Variants in MOK observed in about 807,000 individuals in gnomAD.
MOK encodes the protein MOK protein kinase, also known as MAPK/MAK/MRK overlapping kinase.
MOK carries 59 observed loss-of-function variants against 54.2 expected under a neutral mutation model. The observed-to-expected ratio is 1.09, with a 90% CI of 0.88 to 1.35. The LOEUF is 1.35. MOK is among the 40% of genes most tolerant of loss of function. MOK has a pLI of 0.00. For missense variants in MOK, 517 were observed against 526.2 expected (o/e 0.98, Z 0.17); for synonymous variants, 210 against 202.7 (o/e 1.04, Z -0.31).
intron 2 of MOK, among the ~76,000 whole-genome samples, chr14:102,281,733 C>T (rs2069463370): frequency 1.3e-5 from 2 of 152,036 alleles, no homozygotes; most frequent in African/African-American, 2.4e-5. Flanking sequence ...GTGTGAGCCA[C>T]AGCACCCAGC....
At chr14:102,265,775 T>C in intron 3 of MOK, 48 bp downstream of exon 3, 4 of 1,464,610 alleles carry the variant, frequency 2.7e-6, no homozygotes, top group Non-Finnish European at 3.8e-6. Context: ...TAAAAAGAGA[T>C]TATTTTCATC....
At position 102,265,925 on chromosome 14, in the gene MOK, TA is replaced by T; in HGVS notation, c.123-14del. On this transcript the variant is annotated splice_polypyrimidine_tract_variant and intron_variant, in intron 2 of 11. Transcript: ENST00000361847. ...GACTTGCTCAATACTATCGTGTAGG[TA>T]AAAATGGATAGCTCATTCACAGTTT... 1.3e-6 allele frequency: 2 copies of T among 1,585,056 alleles called. No homozygotes were observed. The highest frequency in any genetic ancestry group is 1.3e-5 in the African/African-American group (1 of 74,466).
chr14:102,276,988 C>A, intron 2 of MOK, among the ~76,000 whole-genome samples: 1 of 147,502 alleles, frequency 6.8e-6, no homozygotes, highest in Non-Finnish European at 1.5e-5. Flanking sequence ...GCTAGGACTA[C>A]AGGAGTGAGC....
the MOK span, among the ~76,000 whole-genome samples, chr14:102,216,918 G>A: frequency 6.6e-6 from 1 of 152,188 alleles, no homozygotes; most frequent in African/African-American, 2.4e-5. Context: ...GGGCGACAGA[G>A]CGAGACTCTG....
At chr14:102,255,234 T>C (rs893489209) in intron 4 of MOK, among the ~76,000 whole-genome samples, 11 of 152,012 alleles carry the variant, frequency 7.2e-5, no homozygotes, top group African/African-American at 2.7e-4. Flanking sequence ...AGGAGAATGG[T>C]GTGAACCTGG....
chr14:102,231,734 G>C lies in MOK; in HGVS notation c.954C>G (p.Cys318Trp), dbSNP rs775903228. The change falls in exon 10 of 12, where the codon TGC (cysteine) becomes TGG (tryptophan). Residue 318 changes from cysteine (C) to tryptophan (W), a missense_variant. Cys to Trp is a radical substitution (Grantham distance 215). Coordinates refer to ENST00000361847, the MANE Select transcript of MOK (RefSeq NM_014226.3). The surrounding 1 kb of genome is among the most constrained non-coding windows in gnomAD (Gnocchi z 4.4). ...GCTTTCTGCCCTCCTTGGAAATCTG[G>C]CAGCTGTTACTGAGTGGTTCCGGTG... ...PVAPEPLSNS[C>W]QISKEGRKQK... 1 of 1,611,454 alleles carries C rather than the reference G, an allele frequency of 6.2e-7. No homozygotes were observed. Among genetic ancestry groups the C allele is most frequent in the Admixed American group, 1.7e-5 (1 of 59,994 alleles).
At chr14:102,300,611 T>C (rs2072081540) in intron 1 of MOK, among the ~76,000 whole-genome samples, 1 of 152,234 alleles carries the variant, frequency 6.6e-6, no homozygotes, top group South Asian at 2.1e-4. Flanking sequence ...GGGGAAACTT[T>C]TCCAAGTCAG....
chr14:102,292,721 C>T (rs75513524), intron 1 of MOK, among the ~76,000 whole-genome samples: 7,088 of 151,608 alleles, frequency 0.047, 537 homozygotes, highest in African/African-American at 0.16. Flanking sequence ...TCTGTTCTCT[C>T]TTGTGCCATT....
rs10148062 is a variant in MOK at position 102,254,878 on chromosome 14, T to C, written c.284-2883A>G. 6.5e-3 allele frequency among the ~76,000 whole-genome samples: 984 copies of C among 152,338 alleles called. 12 individuals carry two copies. Among genetic ancestry groups the C allele is most frequent in the African/African-American group, 0.023 (940 of 41,570 alleles). ...GCCTGCTTAGTACCTATATTCATGA[T>C]GTTCCATTCCAGGAACGCCCTTCCC... On this transcript the variant is annotated intron_variant, in intron 4 of 11. Coordinates refer to ENST00000361847, the MANE Select transcript of MOK (RefSeq NM_014226.3).
downstream of MOK, among the ~76,000 whole-genome samples, chr14:102,222,307 GC>G (rs2063985872): frequency 6.6e-6 from 1 of 152,210 alleles, no homozygotes; most frequent in African/African-American, 2.4e-5. The surrounding 1 kb of genome is among the most constrained non-coding windows in gnomAD (Gnocchi z 4.4). Context: ...GACAGCTACA[GC>G]CAGGGGGTGC....
At chr14:102,224,964 C>A, downstream of MOK, 1 of 361,870 alleles carries the variant, frequency 2.8e-6, no homozygotes. Flanking sequence ...TAGGTGCTGT[C>A]AGTTATACAG....
chr14:102,233,721 G>A lies in MOK; in HGVS notation c.659C>T (p.Thr220Ile), dbSNP rs748696455. The change falls in exon 8 of 12, where the codon ACA (threonine) becomes ATA (isoleucine). Residue 220 changes from threonine to isoleucine, a missense_variant. Transcript: ENST00000361847. ...QISKIHDVIG[T>I]PAQKILTKFK... is the part of the protein sequence containing the mutation. ...CTTGGTGAGGATCTTCTGAGCGGGT[G>A]TGCCGATGACATCGTGGATTTTTGA... 1.9e-6 allele frequency: 3 copies of A among 1,614,088 alleles called. No individual in the cohort carries two copies. The highest frequency in any genetic ancestry group is 2.2e-5 in the East Asian group (1 of 44,870).
chr14:102,250,203 T>C (rs2066414491), intron 7 of MOK, among the ~76,000 whole-genome samples: 1 of 152,114 alleles, frequency 6.6e-6, no homozygotes, highest in Non-Finnish European at 1.5e-5. Flanking sequence ...CCCCAGACCT[T>C]AACCTCACTG....
chr14:102,223,030 C>A, downstream of MOK: 3 of 872,846 alleles, frequency 3.4e-6, no homozygotes, highest in South Asian at 4.8e-5. Context: ...GACCGGCTCA[C>A]TCTGCGGCGC....
chr14:102,251,516 T>A (rs974622333), intron 6 of MOK: 9 of 596,082 alleles, frequency 1.5e-5, no homozygotes, highest in Non-Finnish European at 2.8e-5. Flanking sequence ...GGGTTCATTT[T>A]TGTCTGCGGT....
chr14:102,224,075 T>G (rs2064149807), downstream of MOK, among the ~76,000 whole-genome samples: 1 of 138,930 alleles, frequency 7.2e-6, no homozygotes, highest in East Asian at 2.1e-4. Context: ...GGAGTCTCCC[T>G]CTGTTGTCCA....
intron 7 of MOK, among the ~76,000 whole-genome samples, chr14:102,247,697 T>A (rs1011259489): frequency 6.6e-6 from 1 of 152,208 alleles, no homozygotes; most frequent in South Asian, 2.1e-4. Flanking sequence ...CACAGAGGCG[T>A]AGACCGACTC....
chr14:102,222,008 T>C (rs572722487), downstream of MOK, among the ~76,000 whole-genome samples: 2 of 152,314 alleles, frequency 1.3e-5, no homozygotes, highest in African/African-American at 4.8e-5. This position sits in a 1 kb window ranked among gnomAD's most constrained non-coding sequence, Gnocchi z 4.4. Flanking sequence ...ATGGAAGTAC[T>C]CTTTGCTGTG....
chr14:102,289,163 C>T lies in MOK; in HGVS notation c.8-5571G>A, dbSNP rs189170194. Among the ~76,000 whole-genome samples the T allele has an allele frequency of 5.2e-4, 79 of 152,186 alleles. No individual in the cohort carries two copies. The East Asian group carries it at 0.012, about 24-fold the overall frequency. ...CAAGTGATCCGCCCGTCTTGGCCTC[C>T]CAAAGTGCTGGGATTACAGGCACGA... is the stretch of plus-strand genomic sequence containing the variant. On this transcript the variant is annotated intron_variant, in intron 1 of 11. Transcript: ENST00000361847.
Sources: allele counts gnomAD v4.1 joint callset (sites outside exome capture counted in the v4.1 genomes callset), GRCh38; gene constraint gnomAD v4.1.1; non-coding constraint Gnocchi (gnomAD v3.1); transcripts MANE v1.5; gene names NCBI Gene and HGNC (gene_info 2026-07-23, HGNC 2026-07-21).